DOCK6: variants seen among roughly 807,000 people sequenced by gnomAD.
The protein encoded by DOCK6 is dedicator of cytokinesis protein 6.
In DOCK6, 167 loss-of-function variants were observed where a neutral mutation model predicts 230.3. That is an observed-to-expected ratio of 0.73 (90% CI 0.64 to 0.82). The LOEUF (loss-of-function observed/expected upper bound fraction) is 0.82. Ranked by LOEUF, DOCK6 falls within the 40% of genes least tolerant of loss-of-function variation. DOCK6 has a pLI of 0.00. For missense variants in DOCK6, 2,598 were observed against 2,825.8 expected, an observed-to-expected ratio of 0.92 and a Z score of 1.83; for synonymous variants, 1,148 against 1,185.0, an observed-to-expected ratio of 0.97 and a Z score of 0.64.
rs200587566 is a variant in DOCK6 at position 11,252,175 on chromosome 19, G to T, written c.451C>A (p.Arg151Ser). 3 of 1,584,856 alleles carry T rather than the reference G, an allele frequency of 1.9e-6. No homozygotes were observed. Among genetic ancestry groups the T allele is most frequent in the Non-Finnish European group, 1.7e-6 (2 of 1,165,920 alleles). The change falls in exon 5 of 48, where the codon CGC (arginine) becomes AGC (serine). Residue 151 changes from arginine to serine, a missense_variant. Transcript: ENST00000294618. ...TQRERQKGLP[R>S]QVFEQDASGD... is the part of the protein sequence containing the mutation. Reference sequence around the variant, plus strand: ...GAAGCATCCTGCTCAAAGACCTGGCGGGGGAGGCCCTTCTGTCGCTCCCGC... The same window carrying T: ...GAAGCATCCTGCTCAAAGACCTGGCTGGGGAGGCCCTTCTGTCGCTCCCGC...
chr19:11,236,165 C>G lies in DOCK6; in HGVS notation c.2392+181G>C. ...AAAGTGCTGGGATGACAGGCGTGAACCGCTGCACCCGGGCCAAAGGGTCAC... is the reference window on the plus strand; with the variant it reads ...AAAGTGCTGGGATGACAGGCGTGAAGCGCTGCACCCGGGCCAAAGGGTCAC... On this transcript the variant is annotated intron_variant, in intron 20 of 47. Transcript: ENST00000294618. The surrounding 1 kb of genome is among the most constrained non-coding windows in gnomAD (Gnocchi z 5.2). The G allele has an allele frequency of 1.5e-6, 1 of 674,890 alleles. No individual in the cohort carries two copies. The highest frequency in any genetic ancestry group is 2.4e-6 in the Non-Finnish European group (1 of 408,568). The allele number at this position is 674,890 out of a possible 1,614,324, so 41.8% of individuals were successfully genotyped here.
Position 11,222,038 on chromosome 19 carries a change from G to C in DOCK6, c.3381-18C>G. ...GGAATGCCCTATGGGGTAATGAGGT[G>C]CTCAGGACAGGGTGGACATGGCTCC... On this transcript the variant is annotated intron_variant, in intron 27 of 47. Transcript: ENST00000294618. The surrounding 1 kb of genome is among the most constrained non-coding windows in gnomAD (Gnocchi z 4.0). 1 of 1,606,752 alleles carries C rather than the reference G, an allele frequency of 6.2e-7. No homozygotes were observed. The highest frequency in any genetic ancestry group is 1.3e-5 in the African/African-American group (1 of 74,932).
At chr19:11,228,778 G>T in intron 23 of DOCK6, 162 bp downstream of exon 23, 1 of 587,476 alleles carries the variant, frequency 1.7e-6, no homozygotes, top group Non-Finnish European at 3.0e-6. Context: ...TAGCCAGGAT[G>T]GTCTCGATCT....
intron 24 of DOCK6, among the ~76,000 whole-genome samples, chr19:11,226,678 A>C (rs1197391563): frequency 1.3e-5 from 2 of 152,320 alleles, no homozygotes; most frequent in East Asian, 1.9e-4. Flanking sequence ...ACAACAACAA[A>C]AAAATGATAC....
intron 39 of DOCK6, among the ~76,000 whole-genome samples, chr19:11,207,972 A>AT (rs1427849824): frequency 6.6e-6 from 1 of 150,632 alleles, no homozygotes; most frequent in Non-Finnish European, 1.5e-5. Context: ...TAATTTAAAA[A>AT]TTGGCCAGGC....
Position 11,202,040 on chromosome 19 carries a change from C to G in DOCK6, c.5537G>C (p.Gly1846Ala), listed in dbSNP as rs376993154. The G allele has an allele frequency of 1.2e-5, 19 of 1,613,874 alleles. No homozygotes were observed. The highest frequency in any genetic ancestry group is 1.5e-5 in the Non-Finnish European group (18 of 1,179,904). The change falls in exon 44 of 48, where the codon GGG (glycine) becomes GCG (alanine). Residue 1846 changes from glycine to alanine, a missense_variant. Gly to Ala is a moderately conservative substitution (Grantham distance 60). Coordinates refer to ENST00000294618, the MANE Select transcript of DOCK6 (RefSeq NM_020812.4). This position sits in a 1 kb window ranked among gnomAD's most constrained non-coding sequence, Gnocchi z 5.3. ...DRVTYFDRNY[G>A]LRTFLFCTPF... ...CGTGCAGAACAGGAATGTGCGAAGC[C>G]CATAGTTGCGGTCAAAGTAGGTCAC...
intron 47 of DOCK6, 75 bp from the exon 48 acceptor site, chr19:11,199,614 TTCC>T (rs946424790): frequency 1.5e-4 from 221 of 1,429,660 alleles, no homozygotes; most frequent in Non-Finnish European, 1.8e-4. Flanking sequence ...CCACATCCTC[TTCC>T]TCCTCCTCCT....
chr19:11,239,897 C>A, intron 14 of DOCK6: 1 of 1,592,804 alleles, frequency 6.3e-7, no homozygotes, highest in Non-Finnish European at 8.5e-7. Flanking sequence ...GGCCGGGATG[C>A]AGCCCAGGAA....
intron 1 of DOCK6, among the ~76,000 whole-genome samples, chr19:11,256,083 C>T (rs527527814): frequency 3.0e-4 from 46 of 152,158 alleles, no homozygotes; most frequent in African/African-American, 9.7e-4. Context: ...CCACCTTGCC[C>T]GGCCCCATTT....
chr19:11,202,645 T>C lies in DOCK6; in HGVS notation c.5300A>G (p.Gln1767Arg). The C allele has an allele frequency of 6.2e-7, 1 of 1,614,006 alleles. No homozygotes were observed. Among genetic ancestry groups the C allele is most frequent in the African/African-American group, 1.3e-5 (1 of 75,056 alleles). Residue 1767 changes from glutamine (Q) to arginine (R), a missense_variant, in exon 42 of 48, where the codon CAG (glutamine) becomes CGG (arginine). Coordinates refer to ENST00000294618, the MANE Select transcript of DOCK6 (RefSeq NM_020812.4). This position sits in a 1 kb window ranked among gnomAD's most constrained non-coding sequence, Gnocchi z 5.3. Reference sequence around the variant, plus strand: ...CGATGGCTCCTTGTACACAAACTCCTGCTCATCCAGGTCACCGAAGTGGGC... The same window carrying C: ...CGATGGCTCCTTGTACACAAACTCCCGCTCATCCAGGTCACCGAAGTGGGC... ...YGAHFGDLDEQEFVYKEPSIT... is the reference protein window; with the variant it reads ...YGAHFGDLDEREFVYKEPSIT...
intron 21 of DOCK6, among the ~76,000 whole-genome samples, chr19:11,234,940 C>G (rs895428864): frequency 6.6e-6 from 1 of 151,902 alleles, no homozygotes; most frequent in African/African-American, 2.4e-5. Context: ...CCAGATCTTT[C>G]TTTCTTATTT....
chr19:11,214,649 C>A lies in DOCK6; in HGVS notation c.4107G>T (p.Lys1369Asn). 5.0e-6 allele frequency: 8 copies of A among 1,613,420 alleles called. No homozygotes were observed. The highest frequency in any genetic ancestry group is 6.8e-6 in the Non-Finnish European group (8 of 1,179,708). The change falls in exon 33 of 48, where the codon AAG becomes AAT. Residue 1369 changes from lysine to asparagine, a missense_variant and splice_region_variant. Lys to Asn is a moderately conservative substitution (Grantham distance 94). Coordinates refer to ENST00000294618, the MANE Select transcript of DOCK6 (RefSeq NM_020812.4). The part of the protein sequence containing the change: ...HWKQTSDRVD[K>N]TKDEMEHEAL... ...CCTCGTGTTCCATTTCATCCTTGGT[C>A]CTGGAAGGGGAAAGGAGGTCTTGGG...
At chr19:11,249,331 T>A (rs2080082078) in intron 6 of DOCK6, among the ~76,000 whole-genome samples, 1 of 148,792 alleles carries the variant, frequency 6.7e-6, no homozygotes. Flanking sequence ...GCCAACATAG[T>A]GAAACCCTAT....
In DOCK6 at chr19:11,202,836, C is replaced by T; in HGVS notation, c.5236-127G>A. On this transcript the variant is annotated intron_variant, in intron 41 of 47. Transcript: ENST00000294618. The surrounding 1 kb of genome is among the most constrained non-coding windows in gnomAD (Gnocchi z 5.3). ...CCCCGAGAACATCAGGGCATGGGCACAGGCAGGGGGCCCTGAGAACATTGG... is the reference window on the plus strand; with the variant it reads ...CCCCGAGAACATCAGGGCATGGGCATAGGCAGGGGGCCCTGAGAACATTGG... The T allele has an allele frequency of 6.8e-7, 1 of 1,473,552 alleles. No individual in the cohort carries two copies. 91.3% of individuals were successfully genotyped at this position (1,473,552 alleles called of 1,614,324 possible).
chr19:11,241,768 C>T (rs1448401345), intron 14 of DOCK6: 9 of 1,544,900 alleles, frequency 5.8e-6, no homozygotes, highest in Non-Finnish European at 7.9e-6. Context: ...CAGGGAGGAG[C>T]TGCCTGTTCA....
chr19:11,232,712 T>A (rs1490694419), intron 22 of DOCK6, among the ~76,000 whole-genome samples: 3 of 151,998 alleles, frequency 2.0e-5, no homozygotes, highest in South Asian at 2.1e-4. Flanking sequence ...CACACATGCA[T>A]GGGGTGAACA....
chr19:11,214,488 G>A (rs1380137442), intron 33 of DOCK6, 65 bp downstream of exon 33: 1 of 1,613,258 alleles, frequency 6.2e-7, no homozygotes, highest in African/African-American at 1.3e-5. Context: ...GGATTATGGA[G>A]TCAGAGACCA....
chr19:11,213,507 T>A (rs772027885), intron 34 of DOCK6, among the ~76,000 whole-genome samples, 179 bp from the exon 35 acceptor site: 30 of 152,196 alleles, frequency 2.0e-4, no homozygotes, highest in Non-Finnish European at 3.4e-4. Context: ...CCCAGGTGAG[T>A]GACTTGGCCA....
At position 11,209,010 on chromosome 19, in the gene DOCK6, C is replaced by T. The variant is rs2079315072; in HGVS notation, c.4845G>A (p.Glu1615=). The T allele has an allele frequency of 6.2e-7, 1 of 1,611,604 alleles. No homozygotes were observed. The highest frequency in any genetic ancestry group is 8.5e-7 in the Non-Finnish European group (1 of 1,179,138). ...GKHAELGNHA[E]AAQCMVHAAA... is the part of the protein sequence containing the mutation. The stretch of plus-strand genomic sequence containing the variant: ...CCGCGTGCACCATGCACTGGGCGGC[C>T]TCGGCGTGGTTGCCCAGCTCCGCGT... Residue 1615 remains glutamate (E), a synonymous_variant, in exon 38 of 48, where the codon GAG becomes GAA. Transcript: ENST00000294618.
Sources: gnomAD v4.1 joint callset for allele counts (sites outside exome capture counted in the v4.1 genomes callset) on GRCh38, gnomAD v4.1.1 for gene constraint, Gnocchi (gnomAD v3.1) non-coding constraint, MANE v1.5 for transcripts, NCBI Gene and HGNC (gene_info 2026-07-23, HGNC 2026-07-21) for gene names.